Variants in MAF observed in about 807,000 individuals in gnomAD.
MAF encodes the protein MAF bZIP transcription factor.
MAF carries 10 observed loss-of-function variants against 22.0 expected under a neutral mutation model. The ratio of observed to expected loss-of-function variants is 0.45; its 90% CI spans 0.28 to 0.77. The LOEUF (loss-of-function observed/expected upper bound fraction) is 0.77. Ranked by LOEUF, MAF falls within the 30% of genes least tolerant of loss-of-function variation. The pLI is 0.12. For synonymous variants in MAF, 337 were observed against 255.8 expected, an observed-to-expected ratio of 1.32 and a Z score of -3.03; for missense variants, 544 against 548.4, an observed-to-expected ratio of 0.99 and a Z score of 0.08.
At chr16:79,478,915 T>C in the MAF span, among the ~76,000 whole-genome samples, 20 of 151,624 alleles carry the variant, frequency 1.3e-4, no homozygotes, top group African/African-American at 4.6e-4. Flanking sequence ...TACTTCTATA[T>C]CTTAGTGCAC....
the MAF span, among the ~76,000 whole-genome samples, chr16:79,502,724 T>TAA: frequency 5.3e-5 from 5 of 94,898 alleles, no homozygotes; most frequent in African/African-American, 2.9e-4. Flanking sequence ...TATATATATA[T>TAA]ATATATATAT....
At chr16:79,337,720 C>T in the MAF span, among the ~76,000 whole-genome samples, 1 of 152,150 alleles carries the variant, frequency 6.6e-6, no homozygotes, top group East Asian at 1.9e-4. Flanking sequence ...CATATACACA[C>T]AAGCACACGT....
At chr16:79,458,759 C>T in the MAF span, among the ~76,000 whole-genome samples, 22 of 152,212 alleles carry the variant, frequency 1.4e-4, no homozygotes, top group East Asian at 1.2e-3. Context: ...TCATGAAGTA[C>T]GTAATGTAAC....
the MAF span, among the ~76,000 whole-genome samples, chr16:79,361,120 G>T: frequency 3.6e-4 from 55 of 152,336 alleles, no homozygotes; most frequent in African/African-American, 1.2e-3. Flanking sequence ...GGGTTCCCAA[G>T]GAACAGGAAT....
chr16:79,487,178 G>A, the MAF span, among the ~76,000 whole-genome samples: 1 of 144,096 alleles, frequency 6.9e-6, no homozygotes, highest in African/African-American at 2.6e-5. Flanking sequence ...TTAATGCTAA[G>A]AACATTGTCT....
the MAF span, among the ~76,000 whole-genome samples, chr16:79,460,543 G>A: frequency 3.3e-5 from 5 of 152,202 alleles, no homozygotes; most frequent in South Asian, 1.0e-3. Flanking sequence ...GAGTAAGCCA[G>A]TAGCCTCTCT....
the MAF span, among the ~76,000 whole-genome samples, chr16:79,241,035 T>C: frequency 6.6e-6 from 1 of 152,004 alleles, no homozygotes; most frequent in African/African-American, 2.4e-5. Flanking sequence ...CTCATCCAAA[T>C]GTCACCAACA....
the MAF span, among the ~76,000 whole-genome samples, chr16:79,497,952 G>C: frequency 6.6e-6 from 1 of 152,172 alleles, no homozygotes; most frequent in African/African-American, 2.4e-5. Context: ...CAGTTCTAGA[G>C]ACCAGAAGAC....
chr16:79,211,886 C>T, the MAF span: 12 of 1,580,214 alleles, frequency 7.6e-6, no homozygotes, highest in African/African-American at 1.3e-4. Flanking sequence ...AAATGTCCCT[C>T]CAACACAGAT....
chr16:79,577,634 C>G, the MAF span, among the ~76,000 whole-genome samples: 2 of 152,294 alleles, frequency 1.3e-5, no homozygotes, highest in African/African-American at 4.8e-5. Context: ...GAAGTTGTCT[C>G]TAACTCCTGA....
chr16:79,213,419 G>A, the MAF span, among the ~76,000 whole-genome samples: 2 of 152,162 alleles, frequency 1.3e-5, no homozygotes, highest in African/African-American at 2.4e-5. Flanking sequence ...ATCAGATAAT[G>A]TCACTTTTCA....
At chr16:79,387,095 T>C in the MAF span, among the ~76,000 whole-genome samples, 1 of 152,208 alleles carries the variant, frequency 6.6e-6, no homozygotes, top group African/African-American at 2.4e-5. Flanking sequence ...TTTGTTATTA[T>C]TATTATCTTC....
At chr16:79,218,069 A>G in the MAF span, among the ~76,000 whole-genome samples, 7 of 149,728 alleles carry the variant, frequency 4.7e-5, 1 homozygote, top group African/African-American at 1.7e-4. Flanking sequence ...GTGTCTTTCA[A>G]TATATCCAAG....
At chr16:79,218,029 A>C in the MAF span, among the ~76,000 whole-genome samples, 1 of 148,848 alleles carries the variant, frequency 6.7e-6, no homozygotes, top group African/African-American at 2.5e-5. Context: ...AAAAAATCTA[A>C]AATAGCAATA....
chr16:79,592,509 G>A (rs570487572), downstream of MAF, among the ~76,000 whole-genome samples: 16 of 152,312 alleles, frequency 1.1e-4, no homozygotes, highest in East Asian at 1.7e-3. Flanking sequence ...CTCTTGCTCC[G>A]CTTTTAAGCA....
At chr16:79,543,690 CT>C in the MAF span, among the ~76,000 whole-genome samples, 215 of 116,616 alleles carry the variant, frequency 1.8e-3, no homozygotes, top group Non-Finnish European at 2.3e-3. Flanking sequence ...TTTTTTTTTT[CT>C]TTTTTTTTTT....
chr16:79,207,536 C>T, the MAF span, among the ~76,000 whole-genome samples: 2 of 152,180 alleles, frequency 1.3e-5, no homozygotes, highest in African/African-American at 4.8e-5. Context: ...GTGCAATGTC[C>T]CTGTAAGAAA....
At chr16:79,299,685 A>G in the MAF span, among the ~76,000 whole-genome samples, 1 of 152,188 alleles carries the variant, frequency 6.6e-6, no homozygotes, top group Non-Finnish European at 1.5e-5. Flanking sequence ...GCACAGTGAC[A>G]TGGCAACCCA....
chr16:79,453,554 A>G, the MAF span, among the ~76,000 whole-genome samples: 1,006 of 152,332 alleles, frequency 6.6e-3, 6 homozygotes, highest in Middle Eastern at 0.027. Flanking sequence ...TTTATGTAAT[A>G]AAAAACAGAA....
Sources: gnomAD v4.1 joint callset for allele counts (sites outside exome capture counted in the v4.1 genomes callset) on GRCh38, gnomAD v4.1.1 for gene constraint, MANE v1.5 for transcripts, NCBI Gene and HGNC (gene_info 2026-07-23, HGNC 2026-07-21) for gene names.